Variants in IQCM observed in about 807,000 individuals in gnomAD.
IQCM encodes the protein IQ domain-containing protein M.
IQCM carries 45 observed loss-of-function variants against 57.6 expected under a neutral mutation model. The ratio of observed to expected loss-of-function variants is 0.78; its 90% CI spans 0.62 to 1.00. The LOEUF is 1.00. Among genes scored for constraint, IQCM ranks in the 50% least tolerant of loss-of-function variants. IQCM has a pLI of 0.00. For synonymous variants in IQCM, 148 were observed against 158.9 expected, an observed-to-expected ratio of 0.93 and a Z score of 0.51; for missense variants, 468 against 511.6, an observed-to-expected ratio of 0.91 and a Z score of 0.82.
chr4:149,355,158 A>T (rs1464496162), intron 13 of IQCM, among the ~76,000 whole-genome samples: 1 of 152,192 alleles, frequency 6.6e-6, no homozygotes, highest in African/African-American at 2.4e-5. Flanking sequence ...TTTCATAAAC[A>T]TTTAAAGAAT....
intron 12 of IQCM, among the ~76,000 whole-genome samples, chr4:149,446,895 A>T (rs1354309627): frequency 6.6e-6 from 1 of 151,550 alleles, no homozygotes; most frequent in Non-Finnish European, 1.5e-5. Flanking sequence ...CAGCAAAACA[A>T]AATGTTAACT....
At chr4:149,728,655 C>T (rs1766182638) in intron 5 of IQCM, among the ~76,000 whole-genome samples, 1 of 152,176 alleles carries the variant, frequency 6.6e-6, no homozygotes, top group African/African-American at 2.4e-5. Flanking sequence ...TCACTTCCAG[C>T]TATAATCCAC....
intron 8 of IQCM, among the ~76,000 whole-genome samples, chr4:149,595,241 G>A (rs1004198141): frequency 2.0e-5 from 3 of 151,928 alleles, no homozygotes; most frequent in Non-Finnish European, 4.4e-5. Flanking sequence ...ATCTTTGTTG[G>A]TTTAAAGTCT....
chr4:149,493,795 C>T (rs1240152614), intron 12 of IQCM, among the ~76,000 whole-genome samples: 1 of 151,522 alleles, frequency 6.6e-6, no homozygotes, highest in East Asian at 1.9e-4. Context: ...GCTGTTGCTG[C>T]TGCAAACGCT....
At chr4:149,471,834 C>A (rs190496337) in intron 12 of IQCM, among the ~76,000 whole-genome samples, 1 of 152,114 alleles carries the variant, frequency 6.6e-6, no homozygotes, top group Admixed American at 6.6e-5. Flanking sequence ...AATTAATAAA[C>A]GTAATCCATC....
chr4:149,516,226 C>A (rs2149819008), intron 12 of IQCM, among the ~76,000 whole-genome samples: 1 of 152,340 alleles, frequency 6.6e-6, no homozygotes, highest in Non-Finnish European at 1.5e-5. Flanking sequence ...TATTGGACCT[C>A]TTCCATCATG....
At chr4:149,590,032 G>C (rs1679092281) in intron 8 of IQCM, among the ~76,000 whole-genome samples, 2 of 151,560 alleles carry the variant, frequency 1.3e-5, no homozygotes, top group Admixed American at 1.3e-4. Context: ...TTCCTTCTTG[G>C]CCACACTAAC....
At chr4:149,527,785 G>T (rs1035068024) in intron 12 of IQCM, among the ~76,000 whole-genome samples, 8 of 152,060 alleles carry the variant, frequency 5.3e-5, no homozygotes, top group Non-Finnish European at 1.0e-4. Flanking sequence ...CCCATGCCAT[G>T]CTGTGTTAAA....
At chr4:149,472,707 C>T (rs922318492) in intron 12 of IQCM, among the ~76,000 whole-genome samples, 1 of 152,188 alleles carries the variant, frequency 6.6e-6, no homozygotes, top group Non-Finnish European at 1.5e-5. Flanking sequence ...CATCACACTA[C>T]CTGACTTCAA....
intron 13 of IQCM, among the ~76,000 whole-genome samples, chr4:149,374,658 A>G (rs1211820343): frequency 6.6e-6 from 1 of 152,118 alleles, no homozygotes; most frequent in Non-Finnish European, 1.5e-5. Flanking sequence ...TAATAATGCT[A>G]TTAATGAAAG....
chr4:149,751,931 G>A (rs1183950853), intron 2 of IQCM, among the ~76,000 whole-genome samples: 1 of 151,984 alleles, frequency 6.6e-6, no homozygotes, highest in African/African-American at 2.4e-5. Context: ...AGAAAAGAAG[G>A]GAATTCTAGG....
chr4:149,557,449 C>T (rs977008284), intron 10 of IQCM, among the ~76,000 whole-genome samples: 3 of 152,088 alleles, frequency 2.0e-5, no homozygotes. Flanking sequence ...TGGAGAAATG[C>T]TACTACTCCA....
chr4:149,380,958 G>A (rs1731036597), intron 13 of IQCM, among the ~76,000 whole-genome samples: 1 of 152,110 alleles, frequency 6.6e-6, no homozygotes, highest in South Asian at 2.1e-4. Context: ...TTGACCTCTT[G>A]CAATCTTTGC....
chr4:149,655,429 G>A (rs1005134210), intron 7 of IQCM, among the ~76,000 whole-genome samples: 1 of 152,026 alleles, frequency 6.6e-6, no homozygotes, highest in African/African-American at 2.4e-5. Flanking sequence ...GAAAAATTTT[G>A]TTTAGAATTT....
chr4:149,542,897 G>T (rs1747997782), intron 12 of IQCM, among the ~76,000 whole-genome samples: 2 of 151,846 alleles, frequency 1.3e-5, no homozygotes, highest in Admixed American at 1.3e-4. Context: ...GAAAAAAGTG[G>T]GGTATAGAAG....
chr4:149,447,994 G>A (rs1405352680), intron 12 of IQCM, among the ~76,000 whole-genome samples: 1 of 151,458 alleles, frequency 6.6e-6, no homozygotes, highest in Non-Finnish European at 1.5e-5. Flanking sequence ...AACCAACAAG[G>A]ATATAGAGTT....
rs535989594 is a variant in IQCM, at chr4:149,812,483, C to A, written c.-49+2828G>T. ...TCTCTCTCTCTCTCTCTCTCTCTCA[C>A]ACACACACACACACACACAGACACA... On this transcript the variant is annotated intron_variant, in intron 2 of 13. Coordinates refer to ENST00000636793, the MANE Select transcript of IQCM (RefSeq NM_001363507.2). Among the ~76,000 whole-genome samples, 100 of 135,830 alleles carry A rather than the reference C, an allele frequency of 7.4e-4. No homozygotes were observed. The Middle Eastern group carries it at 0.01, about 14-fold the overall frequency. 89.1% of individuals were successfully genotyped at this position (135,830 alleles called of 152,430 possible). A position where few individuals can be genotyped will look rare whatever the true frequency, so the allele number is the denominator to read the frequency against.
chr4:149,367,320 G>C (rs1729913006), intron 13 of IQCM, among the ~76,000 whole-genome samples: 1 of 151,888 alleles, frequency 6.6e-6, no homozygotes, highest in South Asian at 2.1e-4. Flanking sequence ...TCAAAACAGA[G>C]GTAATTCACT....
chr4:149,614,812 AC>A (rs1267484104), intron 8 of IQCM, among the ~76,000 whole-genome samples: 19 of 152,232 alleles, frequency 1.2e-4, no homozygotes, highest in African/African-American at 3.9e-4. Flanking sequence ...ATCCTGGGCC[AC>A]ATGTGGCCCA....
Sources: gnomAD v4.1 joint callset for allele counts (sites outside exome capture counted in the v4.1 genomes callset) on GRCh38, gnomAD v4.1.1 for gene constraint, MANE v1.5 for transcripts, NCBI Gene and HGNC (gene_info 2026-07-23, HGNC 2026-07-21) for gene names.